ERICH6B: variants seen among roughly 807,000 people sequenced by gnomAD.
The protein encoded by ERICH6B is glutamate-rich protein 6B.
A neutral mutation model predicts 80.0 loss-of-function variants in ERICH6B; 69 were observed. The ratio of observed to expected loss-of-function variants is 0.86; its 90% CI spans 0.71 to 1.05. The LOEUF is 1.05. Among genes scored for constraint, ERICH6B ranks in the 50% least tolerant of loss-of-function variants. ERICH6B has a pLI of 0.00. For synonymous variants in ERICH6B, 283 were observed against 291.9 expected, an observed-to-expected ratio of 0.97 and a Z score of 0.31; for missense variants, 754 against 796.1, an observed-to-expected ratio of 0.95 and a Z score of 0.64.
intron 4 of ERICH6B, among the ~76,000 whole-genome samples, chr13:45,588,354 G>A (rs747459231): frequency 7.9e-5 from 12 of 152,318 alleles, no homozygotes; most frequent in Admixed American, 2.6e-4. Flanking sequence ...TAGCAGCTAA[G>A]TTCTTAGGAT....
At chr13:45,602,651 G>A (rs1949833905) in intron 2 of ERICH6B, among the ~76,000 whole-genome samples, 1 of 152,190 alleles carries the variant, frequency 6.6e-6, no homozygotes, top group Non-Finnish European at 1.5e-5. Flanking sequence ...CAAACTCACT[G>A]TGCCTAAACT....
rs1875587503 is a variant in ERICH6B at position 45,579,970 on chromosome 13, A to G, written c.924T>C (p.His308=). The G allele has an allele frequency of 1.9e-6, 3 of 1,548,934 alleles. No individual in the cohort carries two copies. Among genetic ancestry groups the G allele is most frequent in the Non-Finnish European group, 2.6e-6 (3 of 1,146,060 alleles). The change falls in exon 7 of 15, where the codon CAT becomes CAC. Residue 308 remains histidine (H), a synonymous_variant. Coordinates refer to ENST00000298738, the MANE Select transcript of ERICH6B (RefSeq NM_182542.3). ...ETTTKLAPEE[H]VNTKVQQKKE... ...TTTTTTGCTGTACTTTAGTGTTAACATGCTCTAAAAAAGAATAAGAAAAAT... is the reference window on the plus strand; with the variant it reads ...TTTTTTGCTGTACTTTAGTGTTAACGTGCTCTAAAAAAGAATAAGAAAAAT...
In ERICH6B at chr13:45,541,382, G is replaced by A. The variant is rs1463356560; in HGVS notation, c.*80C>T. Reference sequence around the variant, plus strand: ...ACCAACTCTCATAAAAGGTCAACAGGTCTTTGGGTTTTTTTTCCCTGGAGC... The same window carrying A: ...ACCAACTCTCATAAAAGGTCAACAGATCTTTGGGTTTTTTTTCCCTGGAGC... On this transcript the variant is annotated 3_prime_UTR_variant, in exon 15 of 15. Transcript: ENST00000298738. The A allele has an allele frequency of 8.0e-7, 1 of 1,248,596 alleles. No individual in the cohort carries two copies. The highest frequency in any genetic ancestry group is 1.1e-6 in the Non-Finnish European group (1 of 889,600). 77.3% of individuals were successfully genotyped at this position (1,248,596 alleles called of 1,614,324 possible).
chr13:45,597,612 G>A (rs746212102), intron 2 of ERICH6B, among the ~76,000 whole-genome samples: 36 of 152,054 alleles, frequency 2.4e-4, no homozygotes, highest in Non-Finnish European at 5.0e-4. Flanking sequence ...AGCCCTGCCC[G>A]CAGCACCATC....
At chr13:45,549,364 G>T (rs1382161717) in intron 13 of ERICH6B, among the ~76,000 whole-genome samples, 1 of 152,092 alleles carries the variant, frequency 6.6e-6, no homozygotes, top group Non-Finnish European at 1.5e-5. Flanking sequence ...TGAAAAGAGA[G>T]TCCTTTACCT....
intron 9 of ERICH6B, among the ~76,000 whole-genome samples, chr13:45,567,886 C>A (rs747059024): frequency 6.6e-6 from 1 of 152,220 alleles, no homozygotes; most frequent in African/African-American, 2.4e-5. Context: ...GCTCACCTAG[C>A]GTGAAGCCAG....
At chr13:45,588,057 G>C (rs1184593946) in intron 4 of ERICH6B, among the ~76,000 whole-genome samples, 2 of 152,172 alleles carry the variant, frequency 1.3e-5, no homozygotes, top group Admixed American at 1.3e-4. Flanking sequence ...GGCACTTGGG[G>C]TAAGTTACTT....
At chr13:45,557,566 C>T (rs1238421880) in intron 11 of ERICH6B, among the ~76,000 whole-genome samples, 1 of 152,122 alleles carries the variant, frequency 6.6e-6, no homozygotes, top group Non-Finnish European at 1.5e-5. Flanking sequence ...AGTTTCAGGT[C>T]TTAGATTTAA....
At chr13:45,542,638 TTCAAAGGCCGGTGCCCCAGGCCC>T (rs1873828360) in intron 14 of ERICH6B, among the ~76,000 whole-genome samples, 2 of 152,152 alleles carry the variant, frequency 1.3e-5, no homozygotes, top group Non-Finnish European at 2.9e-5. Flanking sequence ...CCCTCCGCCA[TTCAAAGGCCGGTGCCCCAGGCCC>T]TCATGCTGTC....
chr13:45,582,498 G>C (rs773173482), intron 5 of ERICH6B, among the ~76,000 whole-genome samples: 22 of 152,146 alleles, frequency 1.4e-4, no homozygotes, highest in Non-Finnish European at 2.6e-4. Flanking sequence ...AGCTAATTCT[G>C]GTCTGATGTT....
At chr13:45,577,276 C>CTTTTTTTTTTTTTTTTTT (rs34244794) in intron 7 of ERICH6B, among the ~76,000 whole-genome samples, 3 of 86,090 alleles carry the variant, frequency 3.5e-5, no homozygotes, top group African/African-American at 7.1e-5. Context: ...AAAAACAAAT[C>CTTTTTTTTTTTTTTTTTT]TTTTTTTTTT....
At chr13:45,584,940 C>T (rs1469278882) in intron 5 of ERICH6B, among the ~76,000 whole-genome samples, 1 of 152,190 alleles carries the variant, frequency 6.6e-6, no homozygotes, top group Non-Finnish European at 1.5e-5. Context: ...CGTCCCTTTC[C>T]TCCACCTCCT....
Position 45,561,265 on chromosome 13 carries a change from T to C in ERICH6B, c.1407+104A>G, listed in dbSNP as rs373239666. ...TCTTGGATGCATTTTTGTGTTTACA[T>C]TGTGTGTTGTTCCTTACAGCTCTCT... On this transcript the variant is annotated intron_variant, in intron 11 of 14. Transcript: ENST00000298738. 4.0e-4 allele frequency: 466 copies of C among 1,162,414 alleles called. 4 individuals are homozygous for C. Among genetic ancestry groups the C allele is most frequent in the South Asian group, 3.4e-3 (194 of 57,902 alleles). 72.0% of individuals were successfully genotyped at this position (1,162,414 alleles called of 1,614,324 possible). A position where few individuals can be genotyped will look rare whatever the true frequency, so the allele number is the denominator to read the frequency against.
chr13:45,549,763 G>A (rs1055083973), intron 13 of ERICH6B, 130 bp downstream of exon 13: 39 of 1,035,788 alleles, frequency 3.8e-5, no homozygotes, highest in Non-Finnish European at 5.3e-5. Context: ...GTCCATCATG[G>A]TGCTCATTCT....
chr13:45,569,826 G>A (rs997511356), intron 8 of ERICH6B, among the ~76,000 whole-genome samples: 2 of 152,144 alleles, frequency 1.3e-5, no homozygotes, highest in African/African-American at 4.8e-5. Context: ...AGCCCTGTCT[G>A]TCTCTATTTC....
intron 10 of ERICH6B, among the ~76,000 whole-genome samples, chr13:45,562,413 A>G (rs943724576): frequency 2.4e-4 from 37 of 152,148 alleles, no homozygotes; most frequent in African/African-American, 8.0e-4. Context: ...CATTTTGTCC[A>G]TTTTTATGAC....
chr13:45,551,977 C>T (rs972088096), intron 11 of ERICH6B, among the ~76,000 whole-genome samples: 33 of 152,252 alleles, frequency 2.2e-4, no homozygotes, highest in African/African-American at 7.7e-4. Flanking sequence ...AAAACAGACT[C>T]AGAAAAAAGC....
intron 11 of ERICH6B, among the ~76,000 whole-genome samples, chr13:45,556,732 G>A (rs918058449): frequency 9.2e-5 from 14 of 151,772 alleles, no homozygotes; most frequent in East Asian, 1.9e-4. Context: ...CCATTAATTC[G>A]TTCCTTTTTA....
chr13:45,545,048 C>A, intron 13 of ERICH6B, 63 bp from the exon 14 acceptor site: 1 of 1,291,836 alleles, frequency 7.7e-7, no homozygotes, highest in Non-Finnish European at 1.1e-6. Flanking sequence ...TGCTCCTCCT[C>A]TTCTCCTTCC....
Sources: gnomAD v4.1 joint callset for allele counts (sites outside exome capture counted in the v4.1 genomes callset) on GRCh38, gnomAD v4.1.1 for gene constraint, MANE v1.5 for transcripts, NCBI Gene and HGNC (gene_info 2026-07-23, HGNC 2026-07-21) for gene names.